Variants in KIF26B observed in about 807,000 individuals in gnomAD.
The protein encoded by KIF26B is kinesin family member 26B.
A neutral mutation model predicts 151.2 loss-of-function variants in KIF26B; 63 were observed. The ratio of observed to expected loss-of-function variants is 0.42; its 90% confidence interval spans 0.34 to 0.51. The LOEUF (loss-of-function observed/expected upper bound fraction) is 0.51. Among genes scored for constraint, KIF26B ranks in the 20% least tolerant of loss-of-function variants. The probability of loss-of-function intolerance (pLI) is 0.07; values close to 1 mark genes in which losing one functional copy is unlikely to be tolerated. For missense variants in KIF26B, 2,813 were observed against 2,913.6 expected, an observed-to-expected ratio of 0.97 and a Z score of 0.79; for synonymous variants, 1,357 against 1,262.1, an observed-to-expected ratio of 1.08 and a Z score of -1.59.
chr1:245,537,661 A>C lies in KIF26B; in HGVS notation c.1167-3106A>C, dbSNP rs1256855681. ...ACTTCCTGATGGATTATGTGTGAGA[A>C]GAAGACAGGTCAGCATCGAAGAAGT... On this transcript the variant is annotated intron_variant, in intron 4 of 14. Transcript: ENST00000407071. Among the ~76,000 whole-genome samples, 4 of 152,218 alleles carry C rather than the reference A, an allele frequency of 2.6e-5. No individual in the cohort carries two copies. The East Asian group carries it at 7.7e-4, about 29-fold the overall frequency.
intron 4 of KIF26B, among the ~76,000 whole-genome samples, chr1:245,439,771 A>G (rs1331563149): frequency 1.3e-5 from 2 of 152,228 alleles, no homozygotes; most frequent in South Asian, 2.1e-4. Context: ...AGGGGATGTA[A>G]GGACTTTGTT....
chr1:245,323,195 T>C (rs1671920740), intron 2 of KIF26B, among the ~76,000 whole-genome samples: 1 of 152,242 alleles, frequency 6.6e-6, no homozygotes, highest in African/African-American at 2.4e-5. Flanking sequence ...CACGCATGGA[T>C]TTGTGTAGAT....
chr1:245,586,892 C>CAA (rs10715064), intron 5 of KIF26B, among the ~76,000 whole-genome samples: 13,688 of 111,262 alleles, frequency 0.12, 929 homozygotes, highest in East Asian at 0.22. Context: ...GACTCCGTCT[C>CAA]AAAAAAAAAA....
At chr1:245,661,734 CCA>C (rs1456858274) in intron 10 of KIF26B, among the ~76,000 whole-genome samples, 2 of 147,482 alleles carry the variant, frequency 1.4e-5, no homozygotes, top group Non-Finnish European at 3.0e-5. Context: ...ATATATACAC[CCA>C]GTGTTATATA....
chr1:245,625,748 T>C (rs1201913734), intron 9 of KIF26B, among the ~76,000 whole-genome samples: 1 of 152,086 alleles, frequency 6.6e-6, no homozygotes, highest in Non-Finnish European at 1.5e-5. Context: ...TTTGTAACTG[T>C]TAACCCACCT....
chr1:245,521,904 C>G (rs1181354270), intron 4 of KIF26B, among the ~76,000 whole-genome samples: 1 of 146,092 alleles, frequency 6.8e-6, no homozygotes, highest in East Asian at 1.9e-4. Flanking sequence ...CTTGCTCTGT[C>G]ACCCAGGCTG....
chr1:245,454,046 G>A (rs1391581455), intron 4 of KIF26B, among the ~76,000 whole-genome samples: 1 of 152,144 alleles, frequency 6.6e-6, no homozygotes, highest in Non-Finnish European at 1.5e-5. Context: ...TAAGAAGCGT[G>A]GAAGCTGAGG....
chr1:245,314,711 G>A (rs1671730051), intron 2 of KIF26B, among the ~76,000 whole-genome samples: 1 of 152,124 alleles, frequency 6.6e-6, no homozygotes, highest in Admixed American at 6.5e-5. Flanking sequence ...TGCTTTTGGT[G>A]TCAGCGCCTA....
intron 2 of KIF26B, among the ~76,000 whole-genome samples, chr1:245,231,812 G>T (rs1670005136): frequency 6.6e-6 from 1 of 152,176 alleles, no homozygotes; most frequent in Non-Finnish European, 1.5e-5. Context: ...TGCAAAGCAA[G>T]ACAAGGATGG....
chr1:245,293,739 C>T (rs963720609), intron 2 of KIF26B, among the ~76,000 whole-genome samples: 1 of 151,978 alleles, frequency 6.6e-6, no homozygotes, highest in African/African-American at 2.4e-5. Flanking sequence ...CCACCATGCC[C>T]GGCTAATTTT....
In KIF26B at chr1:245,344,494, C is replaced by CAAAAAAAAAA. The variant is rs57007301; in HGVS notation, c.466-22322_466-22313dup. ...TGGGTGACTGAGCTAGACTCCGTCT[C>CAAAAAAAAAA]AAAAAAAAAAAAAAAAAAAAAAAAA... On this transcript the variant is annotated intron_variant, in intron 2 of 14. Transcript: ENST00000407071. Among the ~76,000 whole-genome samples the CAAAAAAAAAA allele has an allele frequency of 9.7e-4, 39 of 40,022 alleles. 2 individuals carry two copies. The highest frequency in any genetic ancestry group is 3.2e-3 in the Non-Finnish European group (32 of 10,026). 26.3% of individuals were successfully genotyped at this position (40,022 alleles called of 152,430 possible).
At chr1:245,471,341 C>G (rs1451090879) in intron 4 of KIF26B, among the ~76,000 whole-genome samples, 2 of 152,002 alleles carry the variant, frequency 1.3e-5, no homozygotes, top group Non-Finnish European at 2.9e-5. Context: ...ATCATGTCGG[C>G]CAGGCTGGTC....
chr1:245,370,170 C>T (rs149136016), intron 3 of KIF26B, among the ~76,000 whole-genome samples: 79 of 152,246 alleles, frequency 5.2e-4, no homozygotes, highest in African/African-American at 1.7e-3. Context: ...TTCATACACT[C>T]GCAATTTGTA....
At chr1:245,276,425 T>A (rs1190348774) in intron 2 of KIF26B, among the ~76,000 whole-genome samples, 4 of 152,166 alleles carry the variant, frequency 2.6e-5, no homozygotes, top group Non-Finnish European at 2.9e-5. Flanking sequence ...AGGGGTTTTC[T>A]CCTGTTTATT....
chr1:245,373,096 T>C (rs2103013688), intron 3 of KIF26B, among the ~76,000 whole-genome samples: 1 of 152,370 alleles, frequency 6.6e-6, no homozygotes, highest in South Asian at 2.1e-4. Context: ...CAGAGTTTTC[T>C]AAATCCTAGT....
chr1:245,531,617 T>G (rs1003913880), intron 4 of KIF26B, among the ~76,000 whole-genome samples: 8 of 152,282 alleles, frequency 5.3e-5, no homozygotes, highest in Non-Finnish European at 1.2e-4. Context: ...CTGGATTGAC[T>G]AAGAAGTACT....
At position 245,490,467 on chromosome 1, in the gene KIF26B, ACGTC is replaced by A. The variant is rs1397414063; in HGVS notation, c.1167-50298_1167-50295del. 1.1e-4 allele frequency among the ~76,000 whole-genome samples: 16 copies of A among 151,892 alleles called. 1 individual carries two copies. The highest frequency in any genetic ancestry group is 3.9e-4 in the African/African-American group (16 of 41,412). On this transcript the variant is annotated intron_variant, in intron 4 of 14. Transcript: ENST00000407071. The stretch of plus-strand genomic sequence containing the variant: ...CCTGGGACTACAGGCGCACACCACC[ACGTC>A]CAGCTAATTTTTTGTATTTTTACTA...
intron 4 of KIF26B, among the ~76,000 whole-genome samples, chr1:245,531,878 C>T (rs1425167651): frequency 6.6e-6 from 1 of 152,168 alleles, no homozygotes; most frequent in Non-Finnish European, 1.5e-5. Context: ...GAGAGGATCA[C>T]TCGAGGCGAG....
chr1:245,245,923 C>A (rs139310217), intron 2 of KIF26B, among the ~76,000 whole-genome samples: 1 of 8,548 alleles, frequency 1.2e-4, no homozygotes, highest in African/African-American at 2.6e-4. Context: ...AAGACTCCGT[C>A]TCAAAAAAAA....
Sources: gnomAD v4.1 joint callset for allele counts (sites outside exome capture counted in the v4.1 genomes callset) on GRCh38, gnomAD v4.1.1 for gene constraint, MANE v1.5 for transcripts, NCBI Gene and HGNC (gene_info 2026-07-23, HGNC 2026-07-21) for gene names.